The following FMNL2 variants were observed in gnomAD, a reference collection of about 807,000 sequenced individuals.
FMNL2 encodes formin like 2, also known as formin-like protein 2.
In FMNL2, 51 loss-of-function variants were observed where a neutral mutation model predicts 130.2. That is an observed-to-expected ratio of 0.39 (90% CI 0.31 to 0.49). The LOEUF (loss-of-function observed/expected upper bound fraction) is 0.49, where lower values mean the gene tolerates loss of function less well. FMNL2 is among the 20% of genes least tolerant of loss of function. FMNL2 has a pLI of 0.85. For synonymous variants in FMNL2, 465 were observed against 467.1 expected (o/e 1.00, Z 0.06); for missense variants, 977 against 1,316.2 (o/e 0.74, Z 3.99).
intron 1 of FMNL2, among the ~76,000 whole-genome samples, chr2:152,475,542 T>A (rs1213944833): frequency 1.1e-4 from 16 of 152,220 alleles, no homozygotes; most frequent in Admixed American, 1.0e-3. Flanking sequence ...TCATCCAGGC[T>A]GGAGTACGGT....
rs1296082394 is a variant in FMNL2, at chr2:152,593,902, T to TGTGTGAGAGA, written c.876+12854_876+12855insTGTGAGAGAG. Among the ~76,000 whole-genome samples, 23 of 81,636 alleles carry TGTGTGAGAGA rather than the reference T, an allele frequency of 2.8e-4. No individual in the cohort carries two copies. The East Asian group carries it at 7.5e-3, about 27-fold the overall frequency. The allele number at this position is 81,636 out of a possible 152,430, so 53.6% of individuals were successfully genotyped here. On this transcript the variant is annotated intron_variant, in intron 9 of 25. Transcript: ENST00000288670. ...GTGTGTGTGTGTGTGTGTGTGTGTG[T>TGTGTGAGAGA]GAGAGAGAGAGAGAGAGAGAGAGAG... is the stretch of plus-strand genomic sequence containing the variant.
intron 25 of FMNL2, 76 bp downstream of exon 25, chr2:152,640,990 C>T (rs1683037455): frequency 1.9e-6 from 3 of 1,585,232 alleles, no homozygotes; most frequent in South Asian, 1.1e-5. Context: ...GCAGATTTTG[C>T]AGCTTCTTTT....
chr2:152,399,229 G>T (rs1011446401), intron 1 of FMNL2, among the ~76,000 whole-genome samples: 1 of 152,234 alleles, frequency 6.6e-6, no homozygotes, highest in Admixed American at 6.5e-5. Flanking sequence ...CATTGATAGA[G>T]AAGTGAAATC....
At chr2:152,461,519 A>G (rs1443037528) in intron 1 of FMNL2, among the ~76,000 whole-genome samples, 1 of 152,216 alleles carries the variant, frequency 6.6e-6, no homozygotes, top group Non-Finnish European at 1.5e-5. Context: ...TGTTCCAGTT[A>G]TACTTAAAAG....
intron 1 of FMNL2, among the ~76,000 whole-genome samples, chr2:152,485,406 G>T (rs548247416): frequency 2.0e-5 from 3 of 152,134 alleles, no homozygotes; most frequent in African/African-American, 4.8e-5. Context: ...CAGGAGAATC[G>T]CTTGAACCTG....
At chr2:152,586,506 C>T (rs557491862) in intron 9 of FMNL2, among the ~76,000 whole-genome samples, 1 of 152,246 alleles carries the variant, frequency 6.6e-6, no homozygotes, top group Non-Finnish European at 1.5e-5. Context: ...ATCTAACCTC[C>T]CAAGCATTTG....
At chr2:152,561,117 C>A in intron 6 of FMNL2, 82 bp downstream of exon 6, 1 of 1,395,440 alleles carries the variant, frequency 7.2e-7, no homozygotes, top group Non-Finnish European at 9.6e-7. Flanking sequence ...ATTCTGGGCA[C>A]TGTATCTCAT....
chr2:152,567,597 A>AT (rs1318029664), intron 6 of FMNL2, among the ~76,000 whole-genome samples: 1 of 152,190 alleles, frequency 6.6e-6, no homozygotes, highest in Non-Finnish European at 1.5e-5. Context: ...TAGAAAAAAT[A>AT]TGCCCAAGTG....
At chr2:152,551,361 C>G (rs1311021945) in intron 4 of FMNL2, among the ~76,000 whole-genome samples, 1 of 152,120 alleles carries the variant, frequency 6.6e-6, no homozygotes, top group Non-Finnish European at 1.5e-5. Context: ...TCATCCTTAC[C>G]AGGTGAAGTT....
chr2:152,439,079 T>TTGTGTGTGTGTGTGTGTGTGTG (rs10539703), intron 1 of FMNL2, among the ~76,000 whole-genome samples: 3 of 144,478 alleles, frequency 2.1e-5, no homozygotes, highest in Admixed American at 1.4e-4. Flanking sequence ...TTCAGTTTAA[T>TTGTGTGTGTGTGTGTGTGTGTG]TGTGTGTGTG....
chr2:152,338,577 ATT>A (rs1681609292), intron 1 of FMNL2, among the ~76,000 whole-genome samples: 1 of 152,168 alleles, frequency 6.6e-6, no homozygotes, highest in Non-Finnish European at 1.5e-5. Context: ...AGACTAATGA[ATT>A]AAGACTAGAG....
At chr2:152,636,923 G>A (rs1682661884) in intron 22 of FMNL2, among the ~76,000 whole-genome samples, 1 of 152,122 alleles carries the variant, frequency 6.6e-6, no homozygotes, top group South Asian at 2.1e-4. Context: ...CCTGTGTAGT[G>A]GGTTTCTGTA....
In FMNL2 at chr2:152,495,479, G is replaced by A. The variant is rs184908455; in HGVS notation, c.118-26464G>A. Among the ~76,000 whole-genome samples, 332 of 151,352 alleles carry A rather than the reference G, an allele frequency of 2.2e-3. 2 individuals are homozygous for A. Among genetic ancestry groups the A allele is most frequent in the African/African-American group, 6.0e-3 (247 of 41,316 alleles). ...AGCCTGGCCAACATGGCAAAACACCGTCTGTAATAAAAATATAAAAATTAG... is the reference window on the plus strand; with the variant it reads ...AGCCTGGCCAACATGGCAAAACACCATCTGTAATAAAAATATAAAAATTAG... On this transcript the variant is annotated intron_variant, in intron 1 of 25. Transcript: ENST00000288670.
At chr2:152,445,647 C>T (rs73002264) in intron 1 of FMNL2, among the ~76,000 whole-genome samples, 19,580 of 152,142 alleles carry the variant, frequency 0.13, 1,480 homozygotes, top group East Asian at 0.26. Flanking sequence ...ACATAGATTG[C>T]TGGGCCCTGT....
chr2:152,375,885 A>C (rs1040215187), intron 1 of FMNL2, among the ~76,000 whole-genome samples: 50 of 123,566 alleles, frequency 4.0e-4, no homozygotes, highest in East Asian at 2.1e-3. Context: ...CTCTATATAT[A>C]TATATATATA....
At chr2:152,568,222 T>TTTTTTTTTTTTGTTTTGTTTTTG (rs1553478430) in intron 6 of FMNL2, among the ~76,000 whole-genome samples, 7 of 128,254 alleles carry the variant, frequency 5.5e-5, no homozygotes, top group South Asian at 2.6e-4. Flanking sequence ...TGGTGGGTTT[T>TTTTTTTTTTTTGTTTTGTTTTTG]TTTTTTTTTT....
chr2:152,492,343 A>T (rs1691260945), intron 1 of FMNL2, among the ~76,000 whole-genome samples: 1 of 152,232 alleles, frequency 6.6e-6, no homozygotes, highest in Non-Finnish European at 1.5e-5. Flanking sequence ...TTCGGGGAAG[A>T]TTTTTGTAAG....
chr2:152,629,627 C>A (rs1227656751), intron 18 of FMNL2, 29 bp from the exon 19 acceptor site: 2 of 1,561,048 alleles, frequency 1.3e-6, no homozygotes, highest in East Asian at 2.3e-5. Context: ...GTCTTTTTTC[C>A]CCTTTTTCTT....
intron 3 of FMNL2, among the ~76,000 whole-genome samples, chr2:152,547,370 A>C (rs1285349968): frequency 1.3e-5 from 2 of 152,360 alleles, no homozygotes; most frequent in East Asian, 3.9e-4. Context: ...CTGTTTCGAC[A>C]GAAGAGGGGA....
Sources: gnomAD v4.1 joint callset for allele counts (sites outside exome capture counted in the v4.1 genomes callset) on GRCh38, gnomAD v4.1.1 for gene constraint, MANE v1.5 for transcripts, NCBI Gene and HGNC (gene_info 2026-07-23, HGNC 2026-07-21) for gene names.